The following PDE5A variants were observed in gnomAD, a reference collection of about 807,000 sequenced individuals.
PDE5A encodes phosphodiesterase 5A.
In PDE5A, 67 loss-of-function variants were observed where a neutral mutation model predicts 110.2. The ratio of observed to expected loss-of-function variants is 0.61; its 90% CI spans 0.50 to 0.75. PDE5A has a LOEUF of 0.75. Ranked by LOEUF, PDE5A falls within the 30% of genes least tolerant of loss-of-function variation. PDE5A has a pLI of 0.00. For missense variants in PDE5A, 862 were observed against 1,045.1 expected (o/e 0.82, Z 2.42); for synonymous variants, 328 against 351.2 (o/e 0.93, Z 0.74).
chr4:119,622,884 A>AAAAAAAAAAAAAACAT (rs1730206829), intron 1 of PDE5A, among the ~76,000 whole-genome samples: 1 of 150,658 alleles, frequency 6.6e-6, no homozygotes, highest in African/African-American at 2.4e-5. Context: ...AAAAGAAAGA[A>AAAAAAAAAAAAAACAT]AGAAAAAAAA....
rs1230814278 is a variant in PDE5A, at chr4:119,525,558, C to G, written c.1770G>C (p.Met590Ile). ...TDLNLVQNFQMKHEVLCRWIL... is the reference protein window; with the variant it reads ...TDLNLVQNFQIKHEVLCRWIL... ...GTTGCTGCATTCCTACCTCATGTTT[C>G]ATCTGGAAGTTCTGCACAAGGTTGA... is the stretch of plus-strand genomic sequence containing the variant. The change falls in exon 12 of 21, where the codon ATG (methionine) becomes ATC (isoleucine). Residue 590 changes from methionine to isoleucine, a missense_variant. Transcript: ENST00000354960. This position sits in a 1 kb window ranked among gnomAD's most constrained non-coding sequence, Gnocchi z 4.3. 1 of 1,612,752 alleles carries G rather than the reference C, an allele frequency of 6.2e-7. No individual in the cohort carries two copies. The highest frequency in any genetic ancestry group is 8.5e-7 in the Non-Finnish European group (1 of 1,179,184).
chr4:119,533,900 A>G (rs571662546), intron 11 of PDE5A, among the ~76,000 whole-genome samples: 6 of 152,306 alleles, frequency 3.9e-5, no homozygotes, highest in Admixed American at 3.3e-4. Flanking sequence ...AATAAAAAAA[A>G]TGACACTAAA....
chr4:119,607,341 A>G (rs776429767), intron 1 of PDE5A, 44 bp from the exon 2 acceptor site: 2 of 1,281,176 alleles, frequency 1.6e-6, no homozygotes, highest in South Asian at 2.5e-5. Context: ...TTGAAGAGGA[A>G]GGGTGCTATG....
rs1730451245 is a variant in PDE5A, at chr4:119,628,630, C to T, written c.42G>A (p.Gln14=). The change falls in exon 1 of 21, where the codon CAG becomes CAA. Residue 14 remains glutamine (Q), a synonymous_variant. Transcript: ENST00000354960. The part of the protein sequence containing the change: ...AGPSFGQQRQ[Q]QQPQQQKQQQ... ...GCTGCTTCTGCTGCTGGGGCTGCTG[C>T]TGCTGTCGCTGCTGCCCGAAGCTGG... is the stretch of plus-strand genomic sequence containing the variant. The T allele has an allele frequency of 6.2e-7, 1 of 1,613,780 alleles. No individual in the cohort carries two copies. The highest frequency in any genetic ancestry group is 1.7e-5 in the Admixed American group (1 of 59,988).
At chr4:119,574,892 A>G (rs1728276500) in intron 3 of PDE5A, among the ~76,000 whole-genome samples, 3 of 152,256 alleles carry the variant, frequency 2.0e-5, no homozygotes, top group Non-Finnish European at 4.4e-5. Flanking sequence ...TTAGGGAATT[A>G]GTTATACAGA....
intron 7 of PDE5A, among the ~76,000 whole-genome samples, chr4:119,558,993 T>C (rs1034496518): frequency 6.6e-6 from 1 of 152,120 alleles, no homozygotes; most frequent in Non-Finnish European, 1.5e-5. Flanking sequence ...TTTTCATTAT[T>C]GTAAAGTCAA....
intron 1 of PDE5A, among the ~76,000 whole-genome samples, chr4:119,612,090 G>A (rs1014133285): frequency 6.6e-6 from 1 of 152,178 alleles, no homozygotes; most frequent in Non-Finnish European, 1.5e-5. Context: ...GGTCTAAAAT[G>A]TATGTCCCTA....
intron 2 of PDE5A, among the ~76,000 whole-genome samples, chr4:119,603,621 A>T (rs1447517860): frequency 4.6e-5 from 7 of 152,246 alleles, no homozygotes; most frequent in African/African-American, 1.4e-4. Context: ...AAACTATAGA[A>T]TTTTCAAATT....
In PDE5A at chr4:119,562,976, C is replaced by CA; in HGVS notation, c.994-7dup. 2 of 1,552,834 alleles carry CA rather than the reference C, an allele frequency of 1.3e-6. No individual in the cohort carries two copies. Among genetic ancestry groups the CA allele is most frequent in the South Asian group, 1.2e-5 (1 of 81,280 alleles). ...CTAGCAAGGTCAAGCAGCACCTAGACAAAAAAATTAGGAGCTCATTATTTA... is the reference window on the plus strand; with the variant it reads ...CTAGCAAGGTCAAGCAGCACCTAGACAAAAAAAATTAGGAGCTCATTATTTA... On this transcript the variant is annotated splice_region_variant and splice_polypyrimidine_tract_variant and intron_variant, in intron 5 of 20. Transcript: ENST00000354960.
rs1390396912 is a variant in PDE5A, at chr4:119,495,675, T to C, written c.*2926A>G. 6.6e-6 allele frequency: 1 copy of C among 152,546 alleles called. No individual in the cohort carries two copies. The highest frequency in any genetic ancestry group is 1.5e-5 in the Non-Finnish European group (1 of 68,028). 9.4% of individuals were successfully genotyped at this position (152,546 alleles called of 1,614,324 possible). The stretch of plus-strand genomic sequence containing the variant: ...TACTTTCTTATCTCTAATACTCCTA[T>C]TAAAGGAAACTATTATTCAAAATTA... On this transcript the variant is annotated 3_prime_UTR_variant, in exon 21 of 21. Transcript: ENST00000354960.
chr4:119,601,996 A>G (rs936937419), intron 2 of PDE5A, among the ~76,000 whole-genome samples: 1 of 152,168 alleles, frequency 6.6e-6, no homozygotes, highest in African/African-American at 2.4e-5. Flanking sequence ...AGACATTACA[A>G]CTATGTGCAA....
intron 8 of PDE5A, 128 bp downstream of exon 8, chr4:119,553,510 G>A (rs1294816100): frequency 9.0e-6 from 6 of 669,496 alleles, no homozygotes; most frequent in Non-Finnish European, 1.6e-5. Flanking sequence ...TTCCTCAGAT[G>A]AGGGAAAGCA....
At chr4:119,606,207 A>C (rs1156373287) in intron 2 of PDE5A, among the ~76,000 whole-genome samples, 4 of 152,204 alleles carry the variant, frequency 2.6e-5, no homozygotes, top group African/African-American at 9.6e-5. Context: ...TGTTTAAAAA[A>C]TGAAAGAGAG....
At chr4:119,519,832 G>A (rs1726060049) in intron 13 of PDE5A, among the ~76,000 whole-genome samples, 1 of 152,032 alleles carries the variant, frequency 6.6e-6, no homozygotes, top group African/African-American at 2.4e-5. Flanking sequence ...GATAATCCTT[G>A]TGACCTTCCC....
At chr4:119,520,786 T>C (rs1726099114) in intron 13 of PDE5A, 149 bp downstream of exon 13, 1 of 640,848 alleles carries the variant, frequency 1.6e-6, no homozygotes, top group Non-Finnish European at 2.5e-6. Flanking sequence ...TAGTCCTCTT[T>C]AATTAACGAA....
intron 10 of PDE5A, among the ~76,000 whole-genome samples, chr4:119,540,613 C>CAA (rs1369933129): frequency 6.6e-6 from 1 of 152,128 alleles, no homozygotes; most frequent in Non-Finnish European, 1.5e-5. Flanking sequence ...AAAATTTTAT[C>CAA]ACACACAAAA....
intron 11 of PDE5A, 22 bp downstream of exon 11, chr4:119,538,938 T>TA (rs1447339874): frequency 6.3e-7 from 1 of 1,590,568 alleles, no homozygotes; most frequent in Non-Finnish European, 8.6e-7. Flanking sequence ...TAGTAATTTT[T>TA]AAAAAGAAAG....
At position 119,567,084 on chromosome 4, in the gene PDE5A, T is replaced by C. The variant is rs1727962110; in HGVS notation, c.892A>G (p.Lys298Glu). The part of the protein sequence containing the change: ...KSGNGGTFTE[K>E]DEKDFAAYLA... ...ACAAGTTTTGGTACCTTTTCATCTTTTTCAGTAAATGTCCCACCGTTTCCT... is the reference window on the plus strand; with the variant it reads ...ACAAGTTTTGGTACCTTTTCATCTTCTTCAGTAAATGTCCCACCGTTTCCT... The change falls in exon 4 of 21, where the codon AAA becomes GAA. Residue 298 changes from lysine (K) to glutamate (E), a missense_variant. Physicochemically the swap from Lys to Glu is moderately conservative, Grantham distance 56. Coordinates refer to ENST00000354960, the MANE Select transcript of PDE5A (RefSeq NM_001083.4). The C allele has an allele frequency of 6.2e-7, 1 of 1,612,650 alleles. No homozygotes were observed.
intron 7 of PDE5A, among the ~76,000 whole-genome samples, chr4:119,558,009 CAT>C (rs1207994681): frequency 2.6e-5 from 4 of 152,072 alleles, no homozygotes; most frequent in Admixed American, 2.6e-4. Flanking sequence ...TGTGAATGAA[CAT>C]AAAGTTAATT....
Sources: gnomAD v4.1 joint callset for allele counts (sites outside exome capture counted in the v4.1 genomes callset) on GRCh38, gnomAD v4.1.1 for gene constraint, Gnocchi (gnomAD v3.1) non-coding constraint, MANE v1.5 for transcripts, NCBI Gene and HGNC (gene_info 2026-07-23, HGNC 2026-07-21) for gene names.